Variants in CPNE4 observed in about 807,000 individuals in gnomAD.
CPNE4 encodes copine 4.
In CPNE4, 25 loss-of-function variants were observed where a neutral mutation model predicts 67.9. The ratio of observed to expected loss-of-function variants is 0.37; its 90% CI spans 0.27 to 0.51. CPNE4 has a LOEUF of 0.51. Ranked by LOEUF, CPNE4 falls within the 20% of genes least tolerant of loss-of-function variation. The pLI is 0.93. For synonymous variants in CPNE4, 242 were observed against 244.9 expected, an observed-to-expected ratio of 0.99 and a Z score of 0.11; for missense variants, 464 against 690.8, an observed-to-expected ratio of 0.67 and a Z score of 3.68.
chr3:131,899,709 T>C (rs568371385), intron 2 of CPNE4, among the ~76,000 whole-genome samples: 1 of 152,256 alleles, frequency 6.6e-6, no homozygotes, highest in South Asian at 2.1e-4. Flanking sequence ...TCAACACAGA[T>C]TGATGGCTAC....
intron 2 of CPNE4, among the ~76,000 whole-genome samples, chr3:131,726,162 C>T (rs575874283): frequency 3.3e-5 from 5 of 152,320 alleles, no homozygotes; most frequent in South Asian, 2.1e-4. Context: ...GTGATGGAAA[C>T]TCTAGTCTTT....
upstream of CPNE4, chr3:132,039,467 G>C (rs1030786705): frequency 6.6e-6 from 1 of 152,172 alleles, no homozygotes; most frequent in South Asian, 2.1e-4. Context: ...ACTGTTTTCA[G>C]CTTTTTATTA....
chr3:131,744,093 A>C (rs1456139827), intron 2 of CPNE4, among the ~76,000 whole-genome samples: 2 of 151,844 alleles, frequency 1.3e-5, no homozygotes, highest in African/African-American at 4.8e-5. Flanking sequence ...AAAAATTTAA[A>C]AACTTGCAGA....
At chr3:131,834,010 A>G (rs1287129126) in intron 2 of CPNE4, among the ~76,000 whole-genome samples, 2 of 152,244 alleles carry the variant, frequency 1.3e-5, no homozygotes, top group South Asian at 4.1e-4. Flanking sequence ...AATTCAAAAA[A>G]TTAAGCAGGA....
intron 2 of CPNE4, among the ~76,000 whole-genome samples, chr3:131,844,484 C>T (rs1031041090): frequency 1.3e-5 from 2 of 151,890 alleles, no homozygotes; most frequent in Non-Finnish European, 2.9e-5. Flanking sequence ...GACAAACTGG[C>T]CTCGAACTCC....
At chr3:131,620,663 G>T (rs1477812502) in intron 7 of CPNE4, among the ~76,000 whole-genome samples, 1 of 152,184 alleles carries the variant, frequency 6.6e-6, no homozygotes, top group African/African-American at 2.4e-5. Flanking sequence ...AATTACAAGA[G>T]TCCTTATAAT....
At chr3:131,781,272 C>T (rs975284094) in intron 2 of CPNE4, among the ~76,000 whole-genome samples, 1 of 152,052 alleles carries the variant, frequency 6.6e-6, no homozygotes, top group Non-Finnish European at 1.5e-5. Flanking sequence ...TGGCTGGAAC[C>T]AGGCAGTTTT....
chr3:131,549,058 A>G (rs1481949669), intron 14 of CPNE4, among the ~76,000 whole-genome samples: 1 of 152,126 alleles, frequency 6.6e-6, no homozygotes, highest in African/African-American at 2.4e-5. Flanking sequence ...AGATGATAGG[A>G]GAAAGAGCGA....
At chr3:131,801,073 C>G (rs1032721048) in intron 2 of CPNE4, among the ~76,000 whole-genome samples, 1 of 151,892 alleles carries the variant, frequency 6.6e-6, no homozygotes, top group Non-Finnish European at 1.5e-5. Context: ...GAGTAAGTAT[C>G]CAGAACCCTG....
chr3:131,981,384 G>C (rs1184734684), intron 1 of CPNE4, among the ~76,000 whole-genome samples: 4 of 152,090 alleles, frequency 2.6e-5, no homozygotes, highest in Non-Finnish European at 5.9e-5. Context: ...TGTGGGGAAT[G>C]GGGGTGAGAT....
intron 7 of CPNE4, among the ~76,000 whole-genome samples, chr3:131,648,562 T>C (rs1281980277): frequency 2.6e-5 from 4 of 152,172 alleles, no homozygotes; most frequent in Non-Finnish European, 2.9e-5. Context: ...GACTACATAT[T>C]TAATGTAATT....
At chr3:131,641,871 T>C (rs1489959991) in intron 7 of CPNE4, among the ~76,000 whole-genome samples, 1 of 152,144 alleles carries the variant, frequency 6.6e-6, no homozygotes, top group Admixed American at 6.5e-5. Flanking sequence ...CTGGATGGAA[T>C]TGGAGGCTAT....
At chr3:131,804,687 G>A (rs1183732682) in intron 2 of CPNE4, among the ~76,000 whole-genome samples, 1 of 152,202 alleles carries the variant, frequency 6.6e-6, no homozygotes, top group African/African-American at 2.4e-5. Flanking sequence ...TGTGGTAGAA[G>A]TGGCAGCGTG....
chr3:131,808,587 TTATCC>T (rs1174349910), intron 2 of CPNE4, among the ~76,000 whole-genome samples: 1 of 152,170 alleles, frequency 6.6e-6, no homozygotes, highest in Non-Finnish European at 1.5e-5. Flanking sequence ...CAAGTTTGCC[TTATCC>T]TATATCATTT....
At chr3:131,697,306 C>T (rs1316546848) in intron 4 of CPNE4, among the ~76,000 whole-genome samples, 1 of 152,114 alleles carries the variant, frequency 6.6e-6, no homozygotes, top group African/African-American at 2.4e-5. Flanking sequence ...ATAATGACAA[C>T]AAAAGCAACA....
intron 7 of CPNE4, among the ~76,000 whole-genome samples, chr3:131,640,197 T>C (rs921676011): frequency 1.3e-5 from 2 of 152,066 alleles, no homozygotes; most frequent in African/African-American, 2.4e-5. Flanking sequence ...GGCATCCAAA[T>C]CAGTAAAGAG....
intron 2 of CPNE4, among the ~76,000 whole-genome samples, chr3:131,806,481 C>T (rs1240902564): frequency 1.4e-5 from 2 of 141,226 alleles, no homozygotes; most frequent in African/African-American, 5.4e-5. Flanking sequence ...ACCCGGGAGG[C>T]GGTGCTTGCA....
chr3:131,626,873 C>T (rs538826670), intron 7 of CPNE4, among the ~76,000 whole-genome samples: 2 of 152,268 alleles, frequency 1.3e-5, no homozygotes, highest in African/African-American at 4.8e-5. Flanking sequence ...GCTCACTGGC[C>T]ACGCTGAAAA....
intron 10 of CPNE4, among the ~76,000 whole-genome samples, chr3:131,570,161 A>G (rs769985425): frequency 1.3e-5 from 2 of 151,812 alleles, no homozygotes; most frequent in Non-Finnish European, 2.9e-5. Flanking sequence ...GGAATACTGT[A>G]ATTCATGTAG....
Sources: allele counts gnomAD v4.1 joint callset (sites outside exome capture counted in the v4.1 genomes callset), GRCh38; gene constraint gnomAD v4.1.1; transcripts MANE v1.5; gene names NCBI Gene and HGNC (gene_info 2026-07-23, HGNC 2026-07-21).